The following SGPP2 variants were observed in gnomAD, a reference collection of about 807,000 sequenced individuals.
The protein encoded by SGPP2 is sphingosine-1-phosphate phosphatase 2.
In SGPP2, 30 loss-of-function variants were observed where a neutral mutation model predicts 33.9. The ratio of observed to expected loss-of-function variants is 0.89; its 90% CI spans 0.66 to 1.20. The LOEUF (loss-of-function observed/expected upper bound fraction) is 1.20. SGPP2 is among the 50% of genes most tolerant of loss of function. The pLI is 0.00. For synonymous variants in SGPP2, 233 were observed against 225.0 expected (o/e 1.04, Z -0.32); for missense variants, 458 against 532.1 (o/e 0.86, Z 1.37).
intron 1 of SGPP2, among the ~76,000 whole-genome samples, chr2:222,428,785 C>CTTTTTTTTTTTTTTTTTTTTTTTT: frequency 1.3e-5 from 1 of 75,344 alleles, no homozygotes; most frequent in Non-Finnish European, 2.5e-5. Flanking sequence ...ACATGGTTTT[C>CTTTTTTTTTTTTTTTTTTTTTTTT]TTTTTTTTTT....
At chr2:222,456,059 A>C (rs1461501690) in intron 1 of SGPP2, among the ~76,000 whole-genome samples, 1 of 152,216 alleles carries the variant, frequency 6.6e-6, no homozygotes, top group Non-Finnish European at 1.5e-5. Context: ...AGTCTGGGCA[A>C]TAGAGCAAGA....
At chr2:222,456,949 C>A (rs551856305) in intron 1 of SGPP2, among the ~76,000 whole-genome samples, 2 of 152,162 alleles carry the variant, frequency 1.3e-5, no homozygotes, top group Non-Finnish European at 2.9e-5. Context: ...AGCTTCAAAG[C>A]GCCATGAAAG....
chr2:222,428,172 C>T lies in SGPP2; in HGVS notation c.219+3351C>T, dbSNP rs1442295466. On this transcript the variant is annotated intron_variant, in intron 1 of 4. Coordinates refer to ENST00000321276, the MANE Select transcript of SGPP2 (RefSeq NM_152386.4). The stretch of plus-strand genomic sequence containing the variant: ...GTACTGGCTGGGACAGGGTGGAGAT[C>T]GTGTGAAAAGAGGTGGTATTGCTTT... Among the ~76,000 whole-genome samples, 7 of 152,158 alleles carry T rather than the reference C, an allele frequency of 4.6e-5. No homozygotes were observed. The Middle Eastern group carries it at 0.01, about 222-fold the overall frequency.
At chr2:222,532,209 G>A (rs1167944279) in intron 4 of SGPP2, among the ~76,000 whole-genome samples, 3 of 152,062 alleles carry the variant, frequency 2.0e-5, no homozygotes. Context: ...GGGAGGCGGA[G>A]TTTGCAGTGA....
Position 222,558,518 on chromosome 2 carries a change from C to T in SGPP2, c.820C>T (p.Arg274Trp), listed in dbSNP as rs752251116. ...YPVSDYYSPTRADTTTILAAG... is the reference protein window; with the variant it reads ...YPVSDYYSPTWADTTTILAAG... Reference sequence around the variant, plus strand: ...TGTTTCTGATTACTACAGCCCAACCCGGGCGGACACCACCACCATTCTGGC... The same window carrying T: ...TGTTTCTGATTACTACAGCCCAACCTGGGCGGACACCACCACCATTCTGGC... Residue 274 changes from arginine (R) to tryptophan (W), a missense_variant, in exon 5 of 5, where the codon CGG becomes TGG. Physicochemically the swap from Arg to Trp is moderately radical, Grantham distance 101 (BLOSUM62 -3). Coordinates refer to ENST00000321276, the MANE Select transcript of SGPP2 (RefSeq NM_152386.4). 6.8e-6 allele frequency: 11 copies of T among 1,614,216 alleles called. No homozygotes were observed. Among genetic ancestry groups the T allele is most frequent in the South Asian group, 2.2e-5 (2 of 91,090 alleles).
Position 222,495,053 on chromosome 2 carries a change from CAAA to C in SGPP2, c.378+20330_378+20332del, listed in dbSNP as rs149946725. On this transcript the variant is annotated intron_variant, in intron 2 of 4. Transcript: ENST00000321276. The stretch of plus-strand genomic sequence containing the variant: ...TCTCAAACAAAAACAAAAACAAAAA[CAAA>C]AACAAAAGTTGCTGGTGGTTTGAAA... Among the ~76,000 whole-genome samples, 220 of 151,964 alleles carry C rather than the reference CAAA, an allele frequency of 1.4e-3. 1 individual carries two copies. In the East Asian group the frequency reaches 0.021, roughly 14 times the overall value.
chr2:222,554,227 T>C (rs886310268), intron 4 of SGPP2, among the ~76,000 whole-genome samples: 13 of 152,228 alleles, frequency 8.5e-5, no homozygotes, highest in African/African-American at 2.7e-4. Flanking sequence ...AGTATCTCTG[T>C]ATCTGCCCAG....
At chr2:222,523,766 C>T (rs1698718862) in intron 3 of SGPP2, among the ~76,000 whole-genome samples, 1 of 151,114 alleles carries the variant, frequency 6.6e-6, no homozygotes. Context: ...GTGTTGAGTA[C>T]CCCAAAAACT....
At chr2:222,438,827 A>G (rs922783096) in intron 1 of SGPP2, among the ~76,000 whole-genome samples, 3 of 151,952 alleles carry the variant, frequency 2.0e-5, no homozygotes, top group African/African-American at 7.3e-5. Flanking sequence ...CAGGGATGCG[A>G]TATTGGTTTT....
At chr2:222,491,327 G>A (rs754820491) in intron 2 of SGPP2, among the ~76,000 whole-genome samples, 1 of 151,858 alleles carries the variant, frequency 6.6e-6, no homozygotes, top group Non-Finnish European at 1.5e-5. Context: ...GTAGAGACAG[G>A]GTCTGTTTTC....
At chr2:222,473,767 A>C (rs1394745411) in intron 1 of SGPP2, among the ~76,000 whole-genome samples, 3 of 152,082 alleles carry the variant, frequency 2.0e-5, no homozygotes, top group African/African-American at 4.8e-5. Flanking sequence ...TCTACTAAAA[A>C]TACAAAATTA....
rs867267899 is a variant in SGPP2 at position 222,434,975 on chromosome 2, T to C, written c.219+10154T>C. On this transcript the variant is annotated intron_variant, in intron 1 of 4. Coordinates refer to ENST00000321276, the MANE Select transcript of SGPP2 (RefSeq NM_152386.4). ...ACAGACCTAACAGAATGGAGATATA[T>C]ACACACACACACACACACACACACA... Among the ~76,000 whole-genome samples the C allele has an allele frequency of 4.1e-3, 594 of 146,088 alleles. 5 individuals carry two copies. Among genetic ancestry groups the C allele is most frequent in the East Asian group, 0.015 (74 of 4,938 alleles).
chr2:222,425,442 T>C lies in SGPP2; in HGVS notation c.219+621T>C, dbSNP rs6708699. ...GGTCCCTCCTGCCTGGTGGGTCTTT[T>C]ATGGACCGACACCAGTGACTTCTAA... On this transcript the variant is annotated intron_variant, in intron 1 of 4. Coordinates refer to ENST00000321276, the MANE Select transcript of SGPP2 (RefSeq NM_152386.4). 7.2e-3 allele frequency among the ~76,000 whole-genome samples: 1,103 copies of C among 152,314 alleles called. 6 individuals carry two copies. Among genetic ancestry groups the C allele is most frequent in the African/African-American group, 0.024 (1,013 of 41,580 alleles).
At chr2:222,452,649 G>C in intron 1 of SGPP2, 1 of 1,379,086 alleles carries the variant, frequency 7.3e-7, no homozygotes. Flanking sequence ...AGTGTTCCAG[G>C]AGTAGTTGCT....
intron 1 of SGPP2, among the ~76,000 whole-genome samples, chr2:222,474,232 A>G (rs1428229474): frequency 6.6e-6 from 1 of 152,262 alleles, no homozygotes; most frequent in Non-Finnish European, 1.5e-5. Flanking sequence ...TGCCTATTGC[A>G]GAGACCCATA....
chr2:222,533,953 C>T (rs1698876992), intron 4 of SGPP2, among the ~76,000 whole-genome samples: 2 of 152,084 alleles, frequency 1.3e-5, no homozygotes, highest in Admixed American at 6.6e-5. Context: ...GGAGCCAACC[C>T]GTGCGAGCAG....
intron 2 of SGPP2, among the ~76,000 whole-genome samples, chr2:222,485,107 G>A (rs1289915782): frequency 6.6e-6 from 1 of 152,130 alleles, no homozygotes; most frequent in East Asian, 1.9e-4. Flanking sequence ...AAATAGAATA[G>A]GTAGTGTTCA....
intron 2 of SGPP2, among the ~76,000 whole-genome samples, chr2:222,491,042 A>G (rs966198360): frequency 6.6e-6 from 1 of 152,202 alleles, no homozygotes; most frequent in Admixed American, 6.5e-5. Context: ...ATTGTACTCC[A>G]GTAATAATTG....
intron 1 of SGPP2, among the ~76,000 whole-genome samples, chr2:222,469,827 C>T (rs1697810929): frequency 6.6e-6 from 1 of 152,114 alleles, no homozygotes; most frequent in Non-Finnish European, 1.5e-5. Flanking sequence ...TGTTTTAGTG[C>T]AGCATTATTT....
Sources: gnomAD v4.1 joint callset for allele counts (sites outside exome capture counted in the v4.1 genomes callset) on GRCh38, gnomAD v4.1.1 for gene constraint, MANE v1.5 for transcripts, NCBI Gene and HGNC (gene_info 2026-07-23, HGNC 2026-07-21) for gene names.